Variants in CCDC141 observed in about 807,000 individuals in gnomAD.
CCDC141 encodes the protein coiled-coil domain containing 141.
A neutral mutation model predicts 181.0 loss-of-function variants in CCDC141; 168 were observed. The observed-to-expected ratio is 0.93, with a 90% CI of 0.82 to 1.05. The LOEUF (loss-of-function observed/expected upper bound fraction) is 1.05, where lower values mean the gene tolerates loss of function less well. Among genes scored for constraint, CCDC141 ranks in the 50% least tolerant of loss-of-function variants. The probability of loss-of-function intolerance (pLI) is 0.00; values close to 1 mark genes in which losing one functional copy is unlikely to be tolerated. For synonymous variants in CCDC141, 666 were observed against 642.3 expected, an observed-to-expected ratio of 1.04 and a Z score of -0.56; for missense variants, 1,902 against 1,788.5, an observed-to-expected ratio of 1.06 and a Z score of -1.14.
intron 2 of CCDC141, among the ~76,000 whole-genome samples, chr2:178,998,930 G>A (rs914820237): frequency 3.3e-5 from 5 of 152,120 alleles, no homozygotes; most frequent in African/African-American, 4.8e-5. Context: ...AATACATTAT[G>A]TGAGAGCTGA....
the CCDC141 span, among the ~76,000 whole-genome samples, chr2:178,817,907 A>C: frequency 4.1e-4 from 62 of 150,562 alleles, no homozygotes; most frequent in South Asian, 0.013. Flanking sequence ...GATTCAAGTG[A>C]TTCTCCTGCC....
In CCDC141 at chr2:178,837,819, A is replaced by G. The variant is rs1331009164; in HGVS notation, c.3475-75T>C. ...CCAGTTTCAATTACAGTAAAACTCA[A>G]CTTCAGAGAGATAACTCGAGACAAC... is the stretch of plus-strand genomic sequence containing the variant. On this transcript the variant is annotated intron_variant, in intron 22 of 23. Coordinates refer to ENST00000443758, the MANE Select transcript of CCDC141 (RefSeq NM_173648.4). 3 of 1,499,810 alleles carry G rather than the reference A, an allele frequency of 2.0e-6. No individual in the cohort carries two copies. The East Asian group carries it at 6.9e-5, about 34-fold the overall frequency. 92.9% of individuals were successfully genotyped at this position (1,499,810 alleles called of 1,614,324 possible). A position where few individuals can be genotyped will look rare whatever the true frequency, so the allele number is the denominator to read the frequency against.
chr2:178,834,265 T>C lies in CCDC141; in HGVS notation c.4501A>G (p.Asn1501Asp). 1 of 1,536,168 alleles carries C rather than the reference T, an allele frequency of 6.5e-7. No individual in the cohort carries two copies. The highest frequency in any genetic ancestry group is 1.2e-5 in the South Asian group (1 of 84,058). ...SSNVILHVTG[N>D]CRLPITRVNW... ...ACTCTTGTGATTGGCAGCCTGCAGT[T>C]ACCTGTCACGTGGAGGATGACATTG... Residue 1501 changes from asparagine to aspartate, a missense_variant, in exon 24 of 24, where the codon AAC (asparagine) becomes GAC (aspartate). Transcript: ENST00000443758.
At chr2:178,876,458 C>T (rs1158729853) in intron 12 of CCDC141, 1 of 152,192 alleles carries the variant, frequency 6.6e-6, no homozygotes, top group Non-Finnish European at 1.5e-5. Flanking sequence ...CGCTAGGAGC[C>T]AACCTGATTT....
rs2154370540 is a variant in CCDC141, at chr2:178,885,096, TAAAAGC to T, written c.1528-10_1528-5del. The T allele has an allele frequency of 6.5e-7, 1 of 1,545,396 alleles. No individual in the cohort carries two copies. Among genetic ancestry groups the T allele is most frequent in the Non-Finnish European group, 8.7e-7 (1 of 1,143,526 alleles). On this transcript the variant is annotated splice_region_variant and splice_polypyrimidine_tract_variant and intron_variant, in intron 10 of 23. Coordinates refer to ENST00000443758, the MANE Select transcript of CCDC141 (RefSeq NM_173648.4). The stretch of plus-strand genomic sequence containing the variant: ...CTTCTAATTCATGTGATGTCTCCTG[TAAAAGC>T]AAAGCACTGGAGGTCAGAAACTGAC...
chr2:178,823,602 C>T, the CCDC141 span, among the ~76,000 whole-genome samples: 1 of 152,074 alleles, frequency 6.6e-6, no homozygotes, highest in East Asian at 1.9e-4. Context: ...CCAACAGCTG[C>T]TTCTCAACTA....
intron 4 of CCDC141, among the ~76,000 whole-genome samples, chr2:178,974,835 C>A (rs1335838501): frequency 6.6e-6 from 1 of 152,114 alleles, no homozygotes; most frequent in Non-Finnish European, 1.5e-5. Flanking sequence ...CACCAAATAA[C>A]AGAATCTCCT....
At chr2:178,861,793 T>C (rs561382201) in intron 17 of CCDC141, among the ~76,000 whole-genome samples, 1 of 152,278 alleles carries the variant, frequency 6.6e-6, no homozygotes, top group South Asian at 2.1e-4. Context: ...TCTTATGGCT[T>C]GGTACACAGA....
chr2:179,030,772 T>C (rs1342050013), intron 2 of CCDC141, among the ~76,000 whole-genome samples: 1 of 152,106 alleles, frequency 6.6e-6, no homozygotes, highest in Non-Finnish European at 1.5e-5. Context: ...CTACTCATCC[T>C]ATGACAGTGT....
At chr2:178,848,052 T>G (rs1414931181) in intron 21 of CCDC141, among the ~76,000 whole-genome samples, 1 of 152,132 alleles carries the variant, frequency 6.6e-6, no homozygotes, top group Admixed American at 6.6e-5. Context: ...GCAGCCAGGA[T>G]GGACTAAGAC....
At chr2:178,881,915 TCACA>T (rs55791403) in intron 11 of CCDC141, among the ~76,000 whole-genome samples, 6,815 of 91,604 alleles carry the variant, frequency 0.074, 290 homozygotes, top group South Asian at 0.22. Context: ...TCTCTCTCTC[TCACA>T]CACACACACA....
chr2:178,906,818 G>A lies in CCDC141; in HGVS notation c.1093-1317C>T, dbSNP rs553493394. ...GCGAGCAAGGTTGAGCTGGTGCTGG[G>A]GCAACACAGGCGAAGCCAAATGTAG... is the stretch of plus-strand genomic sequence containing the variant. On this transcript the variant is annotated intron_variant, in intron 7 of 23. Coordinates refer to ENST00000443758, the MANE Select transcript of CCDC141 (RefSeq NM_173648.4). 2.0e-5 allele frequency among the ~76,000 whole-genome samples: 3 copies of A among 151,990 alleles called. No homozygotes were observed. The South Asian group carries it at 6.2e-4, about 32-fold the overall frequency.
intron 2 of CCDC141, among the ~76,000 whole-genome samples, chr2:178,980,076 T>G (rs1691301636): frequency 6.6e-6 from 1 of 152,168 alleles, no homozygotes; most frequent in African/African-American, 2.4e-5. Context: ...ATTAAAATAT[T>G]AGAACTGATT....
chr2:178,883,107 T>C (rs1686705707), intron 11 of CCDC141, among the ~76,000 whole-genome samples: 1 of 152,204 alleles, frequency 6.6e-6, no homozygotes, highest in South Asian at 2.1e-4. Context: ...TGGATCAAAG[T>C]TGATGCTTAA....
chr2:178,868,608 CAAA>C (rs71393439), intron 15 of CCDC141, among the ~76,000 whole-genome samples: 9 of 85,552 alleles, frequency 1.1e-4, no homozygotes, highest in Admixed American at 3.1e-4. Context: ...ACTTGAAGTG[CAAA>C]AAAAAAAAAA....
intron 2 of CCDC141, among the ~76,000 whole-genome samples, chr2:178,994,584 A>G (rs1036384421): frequency 2.6e-5 from 4 of 152,126 alleles, no homozygotes; most frequent in African/African-American, 9.7e-5. Context: ...AGACATTTTC[A>G]TCATTTTCTT....
chr2:179,016,544 A>C (rs2042548101), intron 2 of CCDC141, among the ~76,000 whole-genome samples: 1 of 152,116 alleles, frequency 6.6e-6, no homozygotes, highest in Non-Finnish European at 1.5e-5. Flanking sequence ...ATAAGCTTCT[A>C]GAGTACAGGA....
chr2:178,873,418 GACA>G (rs1370665890), intron 12 of CCDC141: 2 of 151,846 alleles, frequency 1.3e-5, no homozygotes, highest in African/African-American at 4.8e-5. Flanking sequence ...AAAGATATTA[GACA>G]ACTACAGCAG....
chr2:179,047,823 C>T (rs183539956), intron 1 of CCDC141, among the ~76,000 whole-genome samples: 650 of 152,264 alleles, frequency 4.3e-3, no homozygotes, highest in Non-Finnish European at 6.7e-3. Flanking sequence ...GCAAATTTCA[C>T]CATGGGGAAA....
Sources: allele counts gnomAD v4.1 joint callset (sites outside exome capture counted in the v4.1 genomes callset), GRCh38; gene constraint gnomAD v4.1.1; transcripts MANE v1.5; gene names NCBI Gene and HGNC (gene_info 2026-07-23, HGNC 2026-07-21).